Variants in COL3A1 observed in about 807,000 individuals in gnomAD.
COL3A1 encodes the protein collagen alpha-1(III) chain.
In COL3A1, 46 loss-of-function variants were observed where a neutral mutation model predicts 200.9. The observed-to-expected ratio is 0.23, with a 90% CI of 0.18 to 0.29. The LOEUF (loss-of-function observed/expected upper bound fraction) is 0.29. Ranked by LOEUF, COL3A1 falls within the 10% of genes least tolerant of loss-of-function variation. The probability of loss-of-function intolerance (pLI) is 1.00; values close to 1 mark genes in which losing one functional copy is unlikely to be tolerated. For missense variants in COL3A1, 1,367 were observed against 1,917.6 expected (o/e 0.71, Z 5.36); for synonymous variants, 650 against 628.0 (o/e 1.03, Z -0.52).
At chr2:188,991,342 A>G in intron 11 of COL3A1, 145 bp from the exon 12 acceptor site, 2 of 649,418 alleles carry the variant, frequency 3.1e-6, no homozygotes, top group Non-Finnish European at 5.0e-6. Context: ...TTTCTGGTAA[A>G]TAAAATACTA....
At chr2:189,003,151 C>A in intron 36 of COL3A1, 89 bp downstream of exon 36, 2 of 1,103,990 alleles carry the variant, frequency 1.8e-6, no homozygotes, top group Non-Finnish European at 2.7e-6. Flanking sequence ...CTCTCCCTCT[C>A]CCCCCTCTGT....
In COL3A1 at chr2:188,993,705, A is replaced by C. The variant is rs938596142; in HGVS notation, c.1149+246A>C. Among the ~76,000 whole-genome samples, 4 of 152,156 alleles carry C rather than the reference A, an allele frequency of 2.6e-5. 1 individual carries two copies. Among genetic ancestry groups the C allele is most frequent in the African/African-American group, 9.7e-5 (4 of 41,434 alleles). On this transcript the variant is annotated intron_variant, in intron 16 of 50. Coordinates refer to ENST00000304636, the MANE Select transcript of COL3A1 (RefSeq NM_000090.4). ...ATTCATGATTTTTTATGTTTATATA[A>C]AAGAATAGAGGATAGACTAGTTTTC...
chr2:189,004,702 C>G (rs1431141872), intron 40 of COL3A1, among the ~76,000 whole-genome samples: 1 of 152,130 alleles, frequency 6.6e-6, no homozygotes. Context: ...GCTTATAGAT[C>G]TTGGAAAGTC....
rs1359323106 is a variant in COL3A1 at position 188,985,535 on chromosome 2, T to TATG, written c.334-129_334-127dup. On this transcript the variant is annotated intron_variant, in intron 3 of 50. Coordinates refer to ENST00000304636, the MANE Select transcript of COL3A1 (RefSeq NM_000090.4). ...TATTCACAAGATTTTGATTAAAAAGTATGTGTTATAAAGAAAATATATTAC... is the reference window on the plus strand; with the variant it reads ...TATTCACAAGATTTTGATTAAAAAGTATGATGTGTTATAAAGAAAATATATTAC... 10 of 683,580 alleles carry TATG rather than the reference T, an allele frequency of 1.5e-5. No individual in the cohort carries two copies. The South Asian group carries it at 2.0e-4, about 14-fold the overall frequency. The allele number at this position is 683,580 out of a possible 1,614,324, so 42.3% of individuals were successfully genotyped here.
Position 189,008,268 on chromosome 2 carries a change from C to A in COL3A1, c.3525+126C>A, listed in dbSNP as rs920186890. On this transcript the variant is annotated intron_variant, in intron 47 of 50. Coordinates refer to ENST00000304636, the MANE Select transcript of COL3A1 (RefSeq NM_000090.4). Reference sequence around the variant, plus strand: ...GCATCCACTCAATTTAGAAACTGAACAATGACTTTAAGACATTCTCCATCA... The same window carrying A: ...GCATCCACTCAATTTAGAAACTGAAAAATGACTTTAAGACATTCTCCATCA... 8 of 818,096 alleles carry A rather than the reference C, an allele frequency of 9.8e-6. No homozygotes were observed. In the Admixed American group the frequency reaches 1.0e-4, roughly 10 times the overall value. 50.7% of individuals were successfully genotyped at this position (818,096 alleles called of 1,614,324 possible). A position where few individuals can be genotyped will look rare whatever the true frequency, so the allele number is the denominator to read the frequency against.
intron 13 of COL3A1, 66 bp downstream of exon 13, chr2:188,991,788 A>G: frequency 5.9e-6 from 9 of 1,513,476 alleles, no homozygotes; most frequent in Non-Finnish European, 7.3e-6. Flanking sequence ...GCCTCAGTAA[A>G]GTTTCAGGCT....
chr2:188,999,632 A>G (rs1688410132), intron 31 of COL3A1, 55 bp downstream of exon 31: 1 of 1,561,810 alleles, frequency 6.4e-7, no homozygotes, highest in Non-Finnish European at 8.8e-7. Context: ...TAGGTTTTAA[A>G]AAAAGCAACA....
At position 188,996,282 on chromosome 2, in the gene COL3A1, ATG is replaced by A. The variant is rs1227752129; in HGVS notation, c.1662+106_1662+107del. On this transcript the variant is annotated intron_variant, in intron 23 of 50. Transcript: ENST00000304636. The stretch of plus-strand genomic sequence containing the variant: ...TGTGTGTGTGTGTGTATATATATAT[ATG>A]TATATGTATATCTATATATATACAC... The A allele has an allele frequency of 2.4e-3, 1,843 of 765,712 alleles. 34 individuals are homozygous for A. In the African/African-American group the frequency reaches 0.054, roughly 22 times the overall value. The allele number at this position is 765,712 out of a possible 1,614,324, so 47.4% of individuals were successfully genotyped here.
At chr2:189,002,927 G>T in intron 35 of COL3A1, 28 bp from the exon 36 acceptor site, 1 of 1,453,972 alleles carries the variant, frequency 6.9e-7, no homozygotes, top group South Asian at 1.2e-5. Flanking sequence ...AGTGTCAGCT[G>T]AGAGATTGCT....
rs794728052 is a variant in COL3A1 at position 189,003,463 on chromosome 2, C to A, written c.2606C>A (p.Pro869His). The A allele has an allele frequency of 1.9e-6, 3 of 1,613,176 alleles. No individual in the cohort carries two copies. Among genetic ancestry groups the A allele is most frequent in the Middle Eastern group, 1.6e-4 (1 of 6,084 alleles). The stretch of plus-strand genomic sequence containing the variant: ...GGTGAACGTGGCAGTCCTGGTGGAC[C>A]TGTAAGTATTGATCCTCTTAACTAT... ...VKGERGSPGG[P>H]GAAGFPGARG... The change falls in exon 37 of 51, where the codon CCT (proline) becomes CAT (histidine). Residue 869 changes from proline (P) to histidine (H), a missense_variant and splice_region_variant. Physicochemically the swap from Pro to His is moderately conservative, Grantham distance 77. This residue lies in a region of COL3A1 where 846 missense variants were observed against 1,147.9 expected (regional missense o/e 0.74). Transcript: ENST00000304636.
rs368416786 is a variant in COL3A1 at position 188,998,670 on chromosome 2, C to T, written c.1978-4C>T. On this transcript the variant is annotated splice_region_variant and splice_polypyrimidine_tract_variant and intron_variant, in intron 28 of 50. Transcript: ENST00000304636. Reference sequence around the variant, plus strand: ...GGCCTAATCATATAATGCCAATCTCCCAGGGTCCAAAGGGTGATGCCGGTG... The same window carrying T: ...GGCCTAATCATATAATGCCAATCTCTCAGGGTCCAAAGGGTGATGCCGGTG... The T allele has an allele frequency of 4.3e-6, 7 of 1,613,618 alleles. No individual in the cohort carries two copies. Among genetic ancestry groups the T allele is most frequent in the South Asian group, 2.2e-5 (2 of 91,072 alleles).
intron 7 of COL3A1, 61 bp from the exon 8 acceptor site, chr2:188,989,335 A>G: frequency 8.1e-7 from 1 of 1,237,470 alleles, no homozygotes; most frequent in Non-Finnish European, 1.2e-6. Flanking sequence ...TACACTGTGT[A>G]ATAATAAATT....
chr2:188,997,085 GAGAC>G, intron 24 of COL3A1, 76 bp from the exon 25 acceptor site: 2 of 856,522 alleles, frequency 2.3e-6, no homozygotes, highest in East Asian at 2.9e-5. Context: ...ATATATATAT[GAGAC>G]ATATATATAT....
In COL3A1 at chr2:189,012,735, A is replaced by G. The variant is rs1274832549; in HGVS notation, c.*961A>G. Reference sequence around the variant, plus strand: ...TTACAGACACCCATAATAAAATATCATATTAAAATTCTCCTGTTTTTTGTC... The same window carrying G: ...TTACAGACACCCATAATAAAATATCGTATTAAAATTCTCCTGTTTTTTGTC... On this transcript the variant is annotated 3_prime_UTR_variant, in exon 51 of 51. Transcript: ENST00000304636. 1 of 152,532 alleles carries G rather than the reference A, an allele frequency of 6.6e-6. No individual in the cohort carries two copies. The highest frequency in any genetic ancestry group is 1.9e-4 in the East Asian group (1 of 5,196). The allele number at this position is 152,532 out of a possible 1,614,324, so 9.4% of individuals were successfully genotyped here. A position where few individuals can be genotyped will look rare whatever the true frequency, so the allele number is the denominator to read the frequency against.
At chr2:188,978,028 TAGGGAAA>T in intron 1 of COL3A1, 1 of 379,516 alleles carries the variant, frequency 2.6e-6, no homozygotes, top group Admixed American at 4.3e-5. Flanking sequence ...GCTTTTTTTC[TAGGGAAA>T]GAAAAATGCT....
chr2:189,010,414 G>A (rs761841762), intron 49 of COL3A1, 49 bp downstream of exon 49: 44 of 1,595,660 alleles, frequency 2.8e-5, no homozygotes, highest in East Asian at 6.7e-5. Context: ...TATATCCTTT[G>A]TATTCTTCCT....
chr2:189,009,970 G>A (rs1477181209), intron 48 of COL3A1, among the ~76,000 whole-genome samples: 1 of 152,102 alleles, frequency 6.6e-6, no homozygotes, highest in South Asian at 2.1e-4. Context: ...TAGAAACCAA[G>A]ATGTTGCATT....
chr2:188,993,544 T>C (rs1424232665), intron 16 of COL3A1, 85 bp downstream of exon 16: 13 of 1,171,750 alleles, frequency 1.1e-5, no homozygotes, highest in Non-Finnish European at 1.6e-5. Flanking sequence ...CATGAAAGCA[T>C]GTGCTTCAAT....
chr2:188,990,754 T>C (rs958259223), intron 10 of COL3A1, among the ~76,000 whole-genome samples: 7 of 152,174 alleles, frequency 4.6e-5, no homozygotes, highest in African/African-American at 1.7e-4. Flanking sequence ...TCTATGAAAC[T>C]CATGTTTGCT....
Sources: gnomAD v4.1 joint callset for allele counts (sites outside exome capture counted in the v4.1 genomes callset) on GRCh38, gnomAD v4.1.1 for gene constraint, gnomAD v4.1.1 regional missense constraint, MANE v1.5 for transcripts, NCBI Gene and HGNC (gene_info 2026-07-23, HGNC 2026-07-21) for gene names.